The following FKBP15 variants were observed in gnomAD, a reference collection of about 807,000 sequenced individuals.
FKBP15 encodes FK506-binding protein 15.
A neutral mutation model predicts 158.1 loss-of-function variants in FKBP15; 106 were observed. That is an observed-to-expected ratio of 0.67 (90% CI 0.57 to 0.79). The LOEUF (loss-of-function observed/expected upper bound fraction) is 0.79, where lower values mean the gene tolerates loss of function less well. Among genes scored for constraint, FKBP15 ranks in the 30% least tolerant of loss-of-function variants. FKBP15 has a pLI of 0.00. For synonymous variants in FKBP15, 547 were observed against 548.6 expected, an observed-to-expected ratio of 1.00 and a Z score of 0.04; for missense variants, 1,287 against 1,479.1, an observed-to-expected ratio of 0.87 and a Z score of 2.13.
chr9:113,176,045 A>T (rs1830294582), intron 21 of FKBP15, among the ~76,000 whole-genome samples: 1 of 152,236 alleles, frequency 6.6e-6, no homozygotes, highest in Non-Finnish European at 1.5e-5. Context: ...AATTTGCAAA[A>T]ACAGTTATAT....
At chr9:113,209,947 T>C (rs1410535217) in intron 2 of FKBP15, among the ~76,000 whole-genome samples, 2 of 152,174 alleles carry the variant, frequency 1.3e-5, no homozygotes, top group African/African-American at 4.8e-5. Flanking sequence ...GCTAATGAGG[T>C]GACTTAGAGT....
intron 20 of FKBP15, among the ~76,000 whole-genome samples, chr9:113,176,955 C>A (rs1284027002): frequency 6.6e-6 from 1 of 152,188 alleles, no homozygotes; most frequent in African/African-American, 2.4e-5. Flanking sequence ...TTTCCCAATC[C>A]TACCACACAA....
intron 20 of FKBP15, among the ~76,000 whole-genome samples, chr9:113,176,990 C>T (rs1053924322): frequency 6.6e-6 from 1 of 152,202 alleles, no homozygotes; most frequent in African/African-American, 2.4e-5. Context: ...CTTCTTTCAA[C>T]ATCACCTCAC....
intron 21 of FKBP15, among the ~76,000 whole-genome samples, chr9:113,175,688 G>A (rs1488652483): frequency 6.6e-6 from 1 of 152,114 alleles, no homozygotes; most frequent in Non-Finnish European, 1.5e-5. Context: ...CCTTAAAAGG[G>A]TTTACAAATC....
chr9:113,162,728 T>G lies in FKBP15; in HGVS notation c.*3350A>C. 1.2e-6 allele frequency: 2 copies of G among 1,600,972 alleles called. No homozygotes were observed. The highest frequency in any genetic ancestry group is 1.7e-6 in the Non-Finnish European group (2 of 1,172,308). ...TTACCAGCTCATTACCAGGATTAACTTGCTTCTCCTTTTTATCTAGGTGGT... is the reference window on the plus strand; with the variant it reads ...TTACCAGCTCATTACCAGGATTAACGTGCTTCTCCTTTTTATCTAGGTGGT... On this transcript the variant is annotated 3_prime_UTR_variant, in exon 28 of 28. Coordinates refer to ENST00000238256, the MANE Select transcript of FKBP15 (RefSeq NM_015258.2).
chr9:113,220,098 G>A (rs1831219962), intron 1 of FKBP15, among the ~76,000 whole-genome samples: 1 of 152,182 alleles, frequency 6.6e-6, no homozygotes, highest in Non-Finnish European at 1.5e-5. Context: ...CACCCTACAA[G>A]GCAGAACTGA....
chr9:113,171,856 ATT>A, intron 23 of FKBP15, 150 bp from the exon 24 acceptor site: 28 of 624,366 alleles, frequency 4.5e-5, no homozygotes, highest in Non-Finnish European at 6.4e-5. Context: ...CTTTTTTTTT[ATT>A]ATTATTATAC....
In FKBP15 at chr9:113,184,439, A is replaced by G. The variant is rs1830452169; in HGVS notation, c.1609-40T>C. 6.9e-7 allele frequency: 1 copy of G among 1,442,612 alleles called. No individual in the cohort carries two copies. The highest frequency in any genetic ancestry group is 2.4e-5 in the East Asian group (1 of 41,646). 89.4% of individuals were successfully genotyped at this position (1,442,612 alleles called of 1,614,324 possible). ...CCAGAAAGACCTTGTGAGAAATTATAAAATGAAGAAATACAATTTACCCAA... is the reference window on the plus strand; with the variant it reads ...CCAGAAAGACCTTGTGAGAAATTATGAAATGAAGAAATACAATTTACCCAA... On this transcript the variant is annotated intron_variant, in intron 16 of 27. Transcript: ENST00000238256. The surrounding 1 kb of genome is among the most constrained non-coding windows in gnomAD (Gnocchi z 4.5).
chr9:113,166,218 G>A, intron 27 of FKBP15, 63 bp from the exon 28 acceptor site: 1 of 1,405,418 alleles, frequency 7.1e-7, no homozygotes, highest in Non-Finnish European at 9.9e-7. Context: ...CTTTCCACCT[G>A]TGAGTGGAAG....
At chr9:113,215,642 ATATTT>A (rs563000288) in intron 1 of FKBP15, among the ~76,000 whole-genome samples, 1,227 of 82,036 alleles carry the variant, frequency 0.015, 4 homozygotes, top group African/African-American at 0.048. Flanking sequence ...ATATATATAT[ATATTT>A]TTTTTTTTTT....
intron 8 of FKBP15, among the ~76,000 whole-genome samples, chr9:113,197,561 C>T (rs951681753): frequency 3.3e-5 from 5 of 151,974 alleles, no homozygotes; most frequent in African/African-American, 4.8e-5. Context: ...CCCAGCTACT[C>T]GGGAGGCTGA....
Position 113,188,808 on chromosome 9 carries a change from C to T in FKBP15, c.1174-317G>A, listed in dbSNP as rs538307470. Among the ~76,000 whole-genome samples, 6 of 152,242 alleles carry T rather than the reference C, an allele frequency of 3.9e-5. No homozygotes were observed. The East Asian group carries it at 5.8e-4, about 15-fold the overall frequency. ...CCACTCTTCAGAATGTATCATTTTC[C>T]AAGCCAGTAACTGCCTTAAGACAAA... On this transcript the variant is annotated intron_variant, in intron 12 of 27. Coordinates refer to ENST00000238256, the MANE Select transcript of FKBP15 (RefSeq NM_015258.2).
chr9:113,183,679 G>T, intron 18 of FKBP15, 72 bp downstream of exon 18: 2 of 955,004 alleles, frequency 2.1e-6, no homozygotes, highest in African/African-American at 1.6e-5. Flanking sequence ...AAACAAATAC[G>T]TGTACTTAAG....
At chr9:113,220,782 G>A (rs1484726920) in intron 1 of FKBP15, among the ~76,000 whole-genome samples, 1 of 152,216 alleles carries the variant, frequency 6.6e-6, no homozygotes, top group Non-Finnish European at 1.5e-5. Context: ...GCTGGGCCTT[G>A]AAGAATGCTA....
Position 113,190,500 on chromosome 9 carries a change from G to A in FKBP15, c.1144C>T (p.Gln382Ter). 1 of 1,612,014 alleles carries A rather than the reference G, an allele frequency of 6.2e-7. No individual in the cohort carries two copies. Among genetic ancestry groups the A allele is most frequent in the Non-Finnish European group, 8.5e-7 (1 of 1,179,062 alleles). ...GQPMLPILPP[Q>*]LDSNDSEIED... Reference sequence around the variant, plus strand: ...ATTTCTGAATCATTGGAATCCAGCTGTGGTGGAAGGATGGGCAGCATGGGC... The same window carrying A: ...ATTTCTGAATCATTGGAATCCAGCTATGGTGGAAGGATGGGCAGCATGGGC... Residue 382 changes from glutamine (Q) to a stop codon, truncating the protein, a stop_gained, in exon 12 of 28, where the codon CAG (glutamine) becomes TAG (stop). Coordinates refer to ENST00000238256, the MANE Select transcript of FKBP15 (RefSeq NM_015258.2). LOFTEE classifies it high-confidence loss of function.
chr9:113,186,560 C>A, intron 14 of FKBP15, 197 bp from the exon 15 acceptor site: 2 of 541,928 alleles, frequency 3.7e-6, no homozygotes, highest in Non-Finnish European at 6.7e-6. Flanking sequence ...CAGGGGAAAC[C>A]AGTCACTAAA....
At chr9:113,180,772 A>T (rs1424155061) in intron 19 of FKBP15, among the ~76,000 whole-genome samples, 3 of 152,194 alleles carry the variant, frequency 2.0e-5, no homozygotes, top group Non-Finnish European at 4.4e-5. Context: ...TAAACTAAGA[A>T]GGCAACCTCT....
rs1285341545 is a variant in FKBP15, at chr9:113,215,644, A to ATTTTTTT, written c.54-4059_54-4053dup. Among the ~76,000 whole-genome samples, 166 of 61,580 alleles carry ATTTTTTT rather than the reference A, an allele frequency of 2.7e-3. 2 individuals carry two copies. The highest frequency in any genetic ancestry group is 3.4e-3 in the Non-Finnish European group (124 of 36,494). The allele number at this position is 61,580 out of a possible 152,430, so 40.4% of individuals were successfully genotyped here. ...TGTGTGTATATATATATATATATATATTTTTTTTTTTTTTTTTTTTTTTGA... is the reference window on the plus strand; with the variant it reads ...TGTGTGTATATATATATATATATATATTTTTTTTTTTTTTTTTTTTTTTTTTTTTTGA... On this transcript the variant is annotated intron_variant, in intron 1 of 27. Coordinates refer to ENST00000238256, the MANE Select transcript of FKBP15 (RefSeq NM_015258.2).
At position 113,203,001 on chromosome 9, in the gene FKBP15, G is replaced by T. The variant is rs1157045818; in HGVS notation, c.359C>A (p.Pro120Gln). Reference protein sequence around the residue: ...RILLYISQQQPVTVARIHVNF... With the variant: ...RILLYISQQQQVTVARIHVNF... ...CACATGAATCCTAGCAACCGTAACT[G>T]GCTGTTGTTGACTGATATAAAGAAG... Residue 120 changes from proline (P) to glutamine (Q), a missense_variant, in exon 5 of 28, where the codon CCA becomes CAA. Transcript: ENST00000238256. 1.9e-6 allele frequency: 3 copies of T among 1,612,922 alleles called. No individual in the cohort carries two copies. The highest frequency in any genetic ancestry group is 2.5e-6 in the Non-Finnish European group (3 of 1,179,470).
Sources: gnomAD v4.1 joint callset for allele counts (sites outside exome capture counted in the v4.1 genomes callset) on GRCh38, gnomAD v4.1.1 for gene constraint, Gnocchi (gnomAD v3.1) non-coding constraint, MANE v1.5 for transcripts, NCBI Gene and HGNC (gene_info 2026-07-23, HGNC 2026-07-21) for gene names.